BCAS3: variants seen among roughly 807,000 people sequenced by gnomAD.
BCAS3 encodes the protein BCAS4/BCAS3 fusion.
Under a neutral mutation model 116.1 loss-of-function variants are expected in BCAS3, and 53 were observed. The ratio of observed to expected loss-of-function variants is 0.46; its 90% CI spans 0.37 to 0.57. BCAS3 has a LOEUF of 0.57. BCAS3 is among the 20% of genes least tolerant of loss of function. BCAS3 has a pLI of 0.00. For synonymous variants in BCAS3, 391 were observed against 408.2 expected, an observed-to-expected ratio of 0.96 and a Z score of 0.51; for missense variants, 917 against 1,165.4, an observed-to-expected ratio of 0.79 and a Z score of 3.10.
intron 15 of BCAS3, among the ~76,000 whole-genome samples, chr17:60,999,546 C>CAAAAA: frequency 3.2e-5 from 2 of 62,908 alleles, no homozygotes; most frequent in Middle Eastern, 9.6e-3. Context: ...GACTGTGTCT[C>CAAAAA]AAAAAAAAAA....
Position 61,388,433 on chromosome 17 carries a change from GA to G in BCAS3, c.2594-3543del. On this transcript the variant is annotated intron_variant, in intron 23 of 23. Coordinates refer to ENST00000407086, the MANE Select transcript of BCAS3 (RefSeq NM_017679.5). The surrounding 1 kb of genome is among the most constrained non-coding windows in gnomAD (Gnocchi z 6.5). ...GCAGATCCATCTCTGGGACCCCCAA[GA>G]CAGATTGGTCCCCAGCCCCTACACA... is the stretch of plus-strand genomic sequence containing the variant. The G allele has an allele frequency of 1.7e-6, 1 of 574,026 alleles. No homozygotes were observed. Among genetic ancestry groups the G allele is most frequent in the South Asian group, 2.1e-5 (1 of 47,944 alleles). 35.6% of individuals were successfully genotyped at this position (574,026 alleles called of 1,614,324 possible). A position where few individuals can be genotyped will look rare whatever the true frequency, so the allele number is the denominator to read the frequency against.
At chr17:60,931,795 A>C (rs2059659479) in intron 13 of BCAS3, among the ~76,000 whole-genome samples, 1 of 152,152 alleles carries the variant, frequency 6.6e-6, no homozygotes, top group Admixed American at 6.5e-5. Flanking sequence ...ATACCTGGCC[A>C]GGTGCACTGG....
chr17:61,273,302 G>T (rs985801913), intron 22 of BCAS3, among the ~76,000 whole-genome samples: 5 of 151,716 alleles, frequency 3.3e-5, no homozygotes, highest in African/African-American at 1.2e-4. Context: ...TAGAGATGGG[G>T]TTTTGCCATG....
intron 5 of BCAS3, among the ~76,000 whole-genome samples, chr17:60,716,278 A>T (rs2144057543): frequency 6.6e-6 from 1 of 152,308 alleles, no homozygotes; most frequent in Admixed American, 6.5e-5. Context: ...GAGAGATTTA[A>T]ATAAAAATAA....
intron 8 of BCAS3, among the ~76,000 whole-genome samples, chr17:60,870,653 T>A (rs1020516627): frequency 6.6e-6 from 1 of 152,194 alleles, no homozygotes; most frequent in Non-Finnish European, 1.5e-5. Flanking sequence ...CTGATGCTAA[T>A]GAAAATATAG....
chr17:60,719,315 A>G (rs999422681), intron 5 of BCAS3, among the ~76,000 whole-genome samples: 6 of 152,214 alleles, frequency 3.9e-5, no homozygotes, highest in African/African-American at 1.2e-4. Flanking sequence ...TTCAAAACCT[A>G]TAGTATTCGC....
intron 22 of BCAS3, among the ~76,000 whole-genome samples, chr17:61,254,659 C>G (rs2048633784): frequency 6.7e-6 from 1 of 149,806 alleles, no homozygotes; most frequent in Non-Finnish European, 1.5e-5. Flanking sequence ...CGCCTGTAGT[C>G]CCAGCTACTC....
chr17:60,898,735 C>A lies in BCAS3; in HGVS notation c.739-3885C>A, dbSNP rs73991334. ...GGCAATGGTGAACAGTATGGGTGGG[C>A]TGGTTCCTGAGCCCCTGGGCAGCCA... On this transcript the variant is annotated intron_variant, in intron 10 of 23. Coordinates refer to ENST00000407086, the MANE Select transcript of BCAS3 (RefSeq NM_017679.5). Among the ~76,000 whole-genome samples, 160 of 152,216 alleles carry A rather than the reference C, an allele frequency of 1.1e-3. 1 individual carries two copies. Among genetic ancestry groups the A allele is most frequent in the African/African-American group, 3.8e-3 (157 of 41,518 alleles).
At chr17:61,101,970 G>A (rs1260454473) in intron 22 of BCAS3, among the ~76,000 whole-genome samples, 2 of 152,062 alleles carry the variant, frequency 1.3e-5, no homozygotes, top group Non-Finnish European at 2.9e-5. Context: ...AAATTGAAAG[G>A]CTGTGGGATG....
intron 7 of BCAS3, among the ~76,000 whole-genome samples, chr17:60,858,270 C>T (rs533511242): frequency 6.6e-6 from 1 of 152,126 alleles, no homozygotes; most frequent in Non-Finnish European, 1.5e-5. Flanking sequence ...AAAAATGATA[C>T]ACTAACATTT....
chr17:61,232,746 G>C (rs183329548), intron 22 of BCAS3, among the ~76,000 whole-genome samples: 1 of 152,060 alleles, frequency 6.6e-6, no homozygotes, highest in South Asian at 2.1e-4. Flanking sequence ...GCTCTTCGTC[G>C]GCCTCTTCAA....
At position 61,365,103 on chromosome 17, in the gene BCAS3, G is replaced by A. The variant is rs1297315255; in HGVS notation, c.2426-3224G>A. 6.6e-6 allele frequency among the ~76,000 whole-genome samples: 1 copy of A among 152,116 alleles called. No homozygotes were observed. Among genetic ancestry groups the A allele is most frequent in the African/African-American group, 2.4e-5 (1 of 41,408 alleles). ...GTTGTATTGTTTTTCCATTTTTATG[G>A]ATGAGGAATCAGAGACGCATGCCTG... On this transcript the variant is annotated intron_variant, in intron 22 of 23. Transcript: ENST00000407086. The surrounding 1 kb of genome is among the most constrained non-coding windows in gnomAD (Gnocchi z 4.6).
chr17:61,060,288 G>A (rs1281811237), intron 19 of BCAS3, among the ~76,000 whole-genome samples: 3 of 150,884 alleles, frequency 2.0e-5, no homozygotes, highest in East Asian at 2.0e-4. Flanking sequence ...CACCACACCC[G>A]GCTAATTTTT....
intron 7 of BCAS3, among the ~76,000 whole-genome samples, chr17:60,844,542 T>C (rs2052317940): frequency 6.6e-6 from 1 of 152,212 alleles, no homozygotes; most frequent in Non-Finnish European, 1.5e-5. Flanking sequence ...CTGTGGTCTG[T>C]CTCTGTAGAA....
In BCAS3 at chr17:60,979,626, G is replaced by T. The variant is rs1439412144; in HGVS notation, c.1222-10345G>T. Among the ~76,000 whole-genome samples, 13 of 149,216 alleles carry T rather than the reference G, an allele frequency of 8.7e-5. No homozygotes were observed. The East Asian group carries it at 2.2e-3, about 25-fold the overall frequency. ...TTGCCCATTCAGTATGATATTGGCT[G>T]TGGGTTTGTCATAGATAGCTCTTAT... is the stretch of plus-strand genomic sequence containing the variant. On this transcript the variant is annotated intron_variant, in intron 14 of 23. Coordinates refer to ENST00000407086, the MANE Select transcript of BCAS3 (RefSeq NM_017679.5).
intron 9 of BCAS3, among the ~76,000 whole-genome samples, chr17:60,889,413 G>A (rs1283987864): frequency 1.3e-5 from 2 of 152,076 alleles, no homozygotes; most frequent in African/African-American, 4.8e-5. Context: ...CTCATGTTTA[G>A]GAATAACTGT....
intron 4 of BCAS3, among the ~76,000 whole-genome samples, chr17:60,692,583 A>T (rs1002467521): frequency 2.0e-5 from 3 of 149,358 alleles, no homozygotes; most frequent in African/African-American, 7.7e-5. Flanking sequence ...GAATATTGAA[A>T]CAGGACTCCT....
At chr17:60,752,780 C>T (rs1393817146) in intron 6 of BCAS3, among the ~76,000 whole-genome samples, 2 of 152,124 alleles carry the variant, frequency 1.3e-5, no homozygotes, top group Admixed American at 6.5e-5. Flanking sequence ...CTGTCCTATA[C>T]TGGTTATTAT....
chr17:60,952,672 T>C (rs909174146), intron 14 of BCAS3, among the ~76,000 whole-genome samples: 1 of 152,110 alleles, frequency 6.6e-6, no homozygotes, highest in Admixed American at 6.6e-5. Flanking sequence ...TATGTAGGTA[T>C]ATTCATGTCA....
Sources: gnomAD v4.1 joint callset for allele counts (sites outside exome capture counted in the v4.1 genomes callset) on GRCh38, gnomAD v4.1.1 for gene constraint, Gnocchi (gnomAD v3.1) non-coding constraint, MANE v1.5 for transcripts, NCBI Gene and HGNC (gene_info 2026-07-23, HGNC 2026-07-21) for gene names.